Variants in CHCHD6 observed in about 807,000 individuals in gnomAD.
CHCHD6 encodes the protein coiled-coil-helix-coiled-coil-helix domain containing 6.
Under a neutral mutation model 32.3 loss-of-function variants are expected in CHCHD6, and 28 were observed. The observed-to-expected ratio is 0.87, with a 90% CI of 0.64 to 1.19. The LOEUF is 1.19. Among genes scored for constraint, CHCHD6 ranks in the 50% most tolerant of loss-of-function variants. The probability of loss-of-function intolerance (pLI) is 0.00; values close to 1 mark genes in which losing one functional copy is unlikely to be tolerated. For synonymous variants in CHCHD6, 122 were observed against 117.5 expected, an observed-to-expected ratio of 1.04 and a Z score of -0.25; for missense variants, 333 against 307.0, an observed-to-expected ratio of 1.08 and a Z score of -0.63.
intron 4 of CHCHD6, among the ~76,000 whole-genome samples, chr3:126,804,950 C>A (rs1474485451): frequency 1.3e-5 from 2 of 151,978 alleles, no homozygotes; most frequent in Admixed American, 6.6e-5. Context: ...AGACAAAAAC[C>A]ACATGATTAT....
intron 6 of CHCHD6, among the ~76,000 whole-genome samples, chr3:126,940,487 A>G (rs1484563660): frequency 1.3e-5 from 2 of 152,224 alleles, no homozygotes; most frequent in Admixed American, 6.5e-5. Context: ...CGTTTTATCA[A>G]TATAATCGGC....
intron 4 of CHCHD6, among the ~76,000 whole-genome samples, chr3:126,842,262 C>G (rs1346685175): frequency 6.6e-6 from 1 of 152,126 alleles, no homozygotes; most frequent in African/African-American, 2.4e-5. Flanking sequence ...AACTGTTTAA[C>G]CCTGGGCCCA....
At chr3:126,945,543 T>G in intron 6 of CHCHD6, among the ~76,000 whole-genome samples, 1 of 108,098 alleles carries the variant, frequency 9.3e-6, no homozygotes, top group African/African-American at 3.7e-5. Flanking sequence ...ATAGAGAGAC[T>G]CGGGACGGGG....
At chr3:126,828,472 G>A (rs144641068) in intron 4 of CHCHD6, among the ~76,000 whole-genome samples, 60 of 152,310 alleles carry the variant, frequency 3.9e-4, no homozygotes, top group Admixed American at 1.2e-3. Context: ...GAGGGAACAC[G>A]GGAGGCTCCC....
chr3:126,755,355 C>T (rs1228726920), intron 4 of CHCHD6, among the ~76,000 whole-genome samples: 6 of 152,170 alleles, frequency 3.9e-5, no homozygotes, highest in African/African-American at 1.4e-4. Context: ...GTGGCCTGTC[C>T]AAGAACCCAA....
chr3:126,927,461 C>CT (rs1314705521), intron 6 of CHCHD6, among the ~76,000 whole-genome samples: 2 of 152,206 alleles, frequency 1.3e-5, no homozygotes, highest in African/African-American at 4.8e-5. Flanking sequence ...AAAGTGGCAG[C>CT]TGCAGGCTTA....
intron 5 of CHCHD6, among the ~76,000 whole-genome samples, chr3:126,865,050 A>G (rs1576523374): frequency 2.0e-5 from 1 of 51,116 alleles, no homozygotes; most frequent in African/African-American, 5.9e-5. Flanking sequence ...CTTCATCACT[A>G]CCTCCTCCTC....
At chr3:126,920,508 C>T (rs1027380174) in intron 6 of CHCHD6, among the ~76,000 whole-genome samples, 3 of 152,164 alleles carry the variant, frequency 2.0e-5, no homozygotes, top group Admixed American at 6.5e-5. Flanking sequence ...TTTGTTTTCT[C>T]GGCTCTGCGA....
At chr3:126,752,080 G>A (rs1409659094) in intron 4 of CHCHD6, among the ~76,000 whole-genome samples, 1 of 152,228 alleles carries the variant, frequency 6.6e-6, no homozygotes, top group Non-Finnish European at 1.5e-5. Flanking sequence ...GGCACTCTAG[G>A]ACTAGCATTT....
Position 126,918,630 on chromosome 3 carries a change from G to A in CHCHD6, c.566+3880G>A, listed in dbSNP as rs568599519. Among the ~76,000 whole-genome samples the A allele has an allele frequency of 1.2e-4, 18 of 152,302 alleles. 1 individual carries two copies. The South Asian group carries it at 3.7e-3, about 32-fold the overall frequency. On this transcript the variant is annotated intron_variant, in intron 6 of 7. Coordinates refer to ENST00000290913, the MANE Select transcript of CHCHD6 (RefSeq NM_032343.3). ...AACAGCTGGATTAGTATGTGCAAAG[G>A]CCCTGAGACAAGAAGCAATTTAACT...
chr3:126,826,246 A>T (rs1264984366), intron 4 of CHCHD6, among the ~76,000 whole-genome samples: 1 of 152,146 alleles, frequency 6.6e-6, no homozygotes, highest in Non-Finnish European at 1.5e-5. Context: ...AGAAAGGCTG[A>T]TGTGATGGGT....
At chr3:126,897,497 G>A (rs1168311343) in intron 5 of CHCHD6, among the ~76,000 whole-genome samples, 1 of 152,104 alleles carries the variant, frequency 6.6e-6, no homozygotes, top group East Asian at 1.9e-4. Flanking sequence ...TTTACTGAAG[G>A]ACTTTTTTAT....
chr3:126,709,511 T>C (rs1300935498), intron 1 of CHCHD6, among the ~76,000 whole-genome samples: 3 of 152,224 alleles, frequency 2.0e-5, no homozygotes, highest in Non-Finnish European at 4.4e-5. Flanking sequence ...GAGAGTGGAT[T>C]TGTTGGGTCA....
intron 5 of CHCHD6, among the ~76,000 whole-genome samples, chr3:126,908,563 C>T (rs979239550): frequency 2.0e-5 from 3 of 152,234 alleles, no homozygotes; most frequent in African/African-American, 7.2e-5. Flanking sequence ...AGGGCCTGCT[C>T]TCTGCCAGGC....
At chr3:126,929,141 T>C (rs536073001) in intron 6 of CHCHD6, among the ~76,000 whole-genome samples, 102 of 152,344 alleles carry the variant, frequency 6.7e-4, no homozygotes, top group African/African-American at 2.0e-3. Context: ...CCCCCGTGTC[T>C]TCCTTTTCCT....
At chr3:126,840,249 G>A (rs1576478787) in intron 4 of CHCHD6, among the ~76,000 whole-genome samples, 2 of 150,800 alleles carry the variant, frequency 1.3e-5, no homozygotes, top group Admixed American at 1.3e-4. Flanking sequence ...GAAGGTGGGA[G>A]CTGCCTGCTG....
intron 1 of CHCHD6, among the ~76,000 whole-genome samples, chr3:126,709,617 G>C (rs1039738267): frequency 6.6e-6 from 1 of 152,124 alleles, no homozygotes; most frequent in African/African-American, 2.4e-5. Flanking sequence ...ATTTCCACCA[G>C]CAATACATGG....
intron 5 of CHCHD6, among the ~76,000 whole-genome samples, chr3:126,893,677 G>A (rs2077797287): frequency 1.3e-5 from 2 of 152,244 alleles, no homozygotes; most frequent in South Asian, 2.1e-4. Context: ...GCTCTACCTG[G>A]GGAGAAACAC....
chr3:126,773,034 T>C (rs1002453509), intron 4 of CHCHD6, among the ~76,000 whole-genome samples: 3 of 152,154 alleles, frequency 2.0e-5, no homozygotes, highest in African/African-American at 7.2e-5. Context: ...TTTTTTTTTT[T>C]CTTAAAGAAT....
Sources: allele counts gnomAD v4.1 joint callset (sites outside exome capture counted in the v4.1 genomes callset), GRCh38; gene constraint gnomAD v4.1.1; transcripts MANE v1.5; gene names NCBI Gene and HGNC (gene_info 2026-07-23, HGNC 2026-07-21).